The following BLTP3B variants were observed in gnomAD, a reference collection of about 807,000 sequenced individuals.
BLTP3B encodes UHRF1 (ICBP90) binding protein 1-like.
the BLTP3B span, chr12:100,086,493 T>C: frequency 1.7e-6 from 1 of 594,088 alleles, no homozygotes; most frequent in Non-Finnish European, 2.9e-6. Context: ...ACATTAAGGA[T>C]TTTAGGAAAT....
the BLTP3B span, among the ~76,000 whole-genome samples, chr12:100,124,602 G>A: frequency 6.6e-6 from 1 of 151,814 alleles, no homozygotes; most frequent in Non-Finnish European, 1.5e-5. Flanking sequence ...AAAATTAGCT[G>A]GGCGTGATGG....
the BLTP3B span, among the ~76,000 whole-genome samples, chr12:100,083,432 G>A: frequency 6.6e-6 from 1 of 152,052 alleles, no homozygotes; most frequent in Non-Finnish European, 1.5e-5. Context: ...GGGTATGGGG[G>A]AGGGAAGGGG....
the BLTP3B span, among the ~76,000 whole-genome samples, chr12:100,115,781 C>CA: frequency 3.3e-5 from 5 of 150,632 alleles, no homozygotes; most frequent in East Asian, 2.0e-4. Flanking sequence ...AACAAAAAAA[C>CA]AAAAAAAACA....
chr12:100,037,144 T>C, the BLTP3B span: 1 of 887,628 alleles, frequency 1.1e-6, no homozygotes, highest in Non-Finnish European at 1.4e-6. Flanking sequence ...AATTATAGAT[T>C]TAAGTACATA....
At chr12:100,095,623 T>C in the BLTP3B span, 11 of 1,569,448 alleles carry the variant, frequency 7.0e-6, no homozygotes, top group Non-Finnish European at 9.4e-6. Context: ...TTTAAACTAT[T>C]TTCATGTAAA....
chr12:100,107,422 T>A, the BLTP3B span, among the ~76,000 whole-genome samples: 1 of 149,746 alleles, frequency 6.7e-6, no homozygotes, highest in Admixed American at 6.7e-5. Flanking sequence ...GATCACAAGG[T>A]GAGGAGATTG....
At chr12:100,124,319 T>C in the BLTP3B span, among the ~76,000 whole-genome samples, 1 of 151,974 alleles carries the variant, frequency 6.6e-6, no homozygotes, top group African/African-American at 2.4e-5. Context: ...TGGGTAGACC[T>C]AGGCAGGGCA....
chr12:100,049,071 T>TA, the BLTP3B span, among the ~76,000 whole-genome samples: 56 of 151,668 alleles, frequency 3.7e-4, no homozygotes, highest in African/African-American at 1.2e-3. Flanking sequence ...TATAATCTGA[T>TA]AAAAAATGAG....
chr12:100,082,950 A>G, the BLTP3B span: 21 of 1,154,400 alleles, frequency 1.8e-5, no homozygotes, highest in Admixed American at 7.9e-5. Flanking sequence ...AGCATTTGTT[A>G]TTTAAGTTGC....
At chr12:100,051,658 T>A in the BLTP3B span, 1 of 153,106 alleles carries the variant, frequency 6.5e-6, no homozygotes, top group Non-Finnish European at 1.5e-5. Context: ...GGAAAATACC[T>A]GTGAATACAT....
the BLTP3B span, among the ~76,000 whole-genome samples, chr12:100,068,306 T>C: frequency 6.6e-6 from 1 of 152,160 alleles, no homozygotes; most frequent in Non-Finnish European, 1.5e-5. Flanking sequence ...TGTGGGAGAA[T>C]GAAACTGGAT....
At chr12:100,142,857 G>A in the BLTP3B span, 250 of 578,288 alleles carry the variant, frequency 4.3e-4, 2 homozygotes, top group South Asian at 4.3e-5. Context: ...CTTGGCTGCA[G>A]CATCACCTAA....
chr12:100,060,031 T>C, the BLTP3B span: 16 of 1,595,198 alleles, frequency 1.0e-5, no homozygotes, highest in Middle Eastern at 1.7e-4. Flanking sequence ...GCTATAGAGG[T>C]TGGGAGATGG....
chr12:100,051,469 T>C, the BLTP3B span: 204 of 322,690 alleles, frequency 6.3e-4, no homozygotes, highest in Admixed American at 1.9e-3. Flanking sequence ...CCATCACAGA[T>C]CAATACTTTT....
chr12:100,086,685 A>G, the BLTP3B span, among the ~76,000 whole-genome samples: 2 of 152,156 alleles, frequency 1.3e-5, no homozygotes, highest in Non-Finnish European at 2.9e-5. Flanking sequence ...CTTTAGGTAA[A>G]CTTACTCATT....
At chr12:100,061,966 T>G in the BLTP3B span, among the ~76,000 whole-genome samples, 6 of 152,310 alleles carry the variant, frequency 3.9e-5, no homozygotes, top group Non-Finnish European at 7.3e-5. Flanking sequence ...AAACAGACAA[T>G]TACGGTAAAA....
At chr12:100,136,228 C>T in the BLTP3B span, among the ~76,000 whole-genome samples, 24 of 151,240 alleles carry the variant, frequency 1.6e-4, no homozygotes, top group Admixed American at 8.6e-4. Context: ...AAAAAAAACA[C>T]CTCAAACCTA....
the BLTP3B span, among the ~76,000 whole-genome samples, chr12:100,110,500 A>G: frequency 1.3e-5 from 2 of 152,156 alleles, no homozygotes; most frequent in Non-Finnish European, 2.9e-5. Context: ...ACAACACTCA[A>G]TAAGTATTTA....
At chr12:100,107,530 G>A in the BLTP3B span, among the ~76,000 whole-genome samples, 1 of 150,160 alleles carries the variant, frequency 6.7e-6, no homozygotes, top group East Asian at 2.0e-4. Context: ...AGCTACTTGG[G>A]AGGCTGAGGC....
Sources: gnomAD v4.1 joint callset for allele counts (sites outside exome capture counted in the v4.1 genomes callset) on GRCh38, gnomAD v4.1.1 for gene constraint, MANE v1.5 for transcripts, NCBI Gene and HGNC (gene_info 2026-07-23, HGNC 2026-07-21) for gene names.